Variants in STRN3 observed in about 807,000 individuals in gnomAD.
The protein encoded by STRN3 is striatin 3.
A neutral mutation model predicts 95.6 loss-of-function variants in STRN3; 29 were observed. That is an observed-to-expected ratio of 0.30 (90% CI 0.23 to 0.41). The LOEUF (loss-of-function observed/expected upper bound fraction) is 0.41. Ranked by LOEUF, STRN3 falls within the 10% of genes least tolerant of loss-of-function variation. STRN3 has a pLI of 1.00. For synonymous variants in STRN3, 331 were observed against 357.6 expected, an observed-to-expected ratio of 0.93 and a Z score of 0.84; for missense variants, 890 against 972.1, an observed-to-expected ratio of 0.92 and a Z score of 1.12.
chr14:30,932,247 A>G (rs1344209622), intron 7 of STRN3: 1 of 152,168 alleles, frequency 6.6e-6, no homozygotes, highest in Non-Finnish European at 1.5e-5. Context: ...AGCCTGGGTA[A>G]CAGAGTGAGA....
chr14:31,008,185 C>T (rs1289867036), intron 1 of STRN3, among the ~76,000 whole-genome samples: 2 of 136,926 alleles, frequency 1.5e-5, no homozygotes, highest in South Asian at 2.3e-4. Context: ...AGTGAGACTC[C>T]GTCTCAAAAA....
chr14:30,924,794 G>A (rs546816961), intron 8 of STRN3, among the ~76,000 whole-genome samples: 7 of 152,256 alleles, frequency 4.6e-5, no homozygotes, highest in South Asian at 2.1e-4. Flanking sequence ...AGGTTGCAGT[G>A]AGCTACAATG....
In STRN3 at chr14:30,898,370, C is replaced by G. The variant is rs1315681675; in HGVS notation, c.2138-2622G>C. Among the ~76,000 whole-genome samples the G allele has an allele frequency of 2.6e-5, 4 of 152,230 alleles. No homozygotes were observed. In the East Asian group the frequency reaches 7.7e-4, roughly 29 times the overall value. The stretch of plus-strand genomic sequence containing the variant: ...AGTTTAACATCTCTAAACCAAAAGA[C>G]TTTTTTCCAATACAAGAGCTACACA... On this transcript the variant is annotated intron_variant, in intron 16 of 17. Coordinates refer to ENST00000357479, the MANE Select transcript of STRN3 (RefSeq NM_001083893.2).
chr14:30,924,413 C>T (rs1896967423), intron 8 of STRN3, among the ~76,000 whole-genome samples: 1 of 150,660 alleles, frequency 6.6e-6, no homozygotes, highest in Admixed American at 6.7e-5. Flanking sequence ...TCAGCCTCCC[C>T]AAGTAGCTGG....
intron 1 of STRN3, among the ~76,000 whole-genome samples, chr14:31,005,225 A>G (rs1882660256): frequency 6.6e-6 from 1 of 152,098 alleles, no homozygotes; most frequent in African/African-American, 2.4e-5. Context: ...CCAGCTACTC[A>G]GGAGGCTGAA....
intron 9 of STRN3, among the ~76,000 whole-genome samples, chr14:30,914,889 G>A (rs910022478): frequency 1.3e-5 from 2 of 152,018 alleles, no homozygotes; most frequent in African/African-American, 2.4e-5. Flanking sequence ...TTTAAAATGC[G>A]TTTTCCTTTC....
chr14:31,019,886 C>CTTTTTTTTTTTTTTTTTTT (rs67956918), intron 1 of STRN3, among the ~76,000 whole-genome samples: 1 of 143,048 alleles, frequency 7.0e-6, no homozygotes, highest in Non-Finnish European at 1.5e-5. Context: ...CACTCATTTT[C>CTTTTTTTTTTTTTTTTTTT]TTTTTTTTTT....
At chr14:30,994,745 T>C (rs1882121548) in intron 1 of STRN3, among the ~76,000 whole-genome samples, 1 of 152,254 alleles carries the variant, frequency 6.6e-6, no homozygotes, top group Non-Finnish European at 1.5e-5. Context: ...AGATATCTTT[T>C]AAGTTTGGAA....
intron 8 of STRN3, among the ~76,000 whole-genome samples, chr14:30,921,579 A>T (rs1234401789): frequency 2.0e-5 from 3 of 152,206 alleles, no homozygotes; most frequent in Admixed American, 2.0e-4. Context: ...TCTTTACTCT[A>T]TTGTGCAGAG....
intron 1 of STRN3, chr14:31,018,747 T>TCC (rs1307465667): frequency 2.3e-5 from 11 of 471,778 alleles, no homozygotes; most frequent in Non-Finnish European, 4.6e-5. Context: ...GCCATGGTGC[T>TCC]CCGAACTTGC....
At chr14:30,973,737 A>G (rs1372895900) in intron 1 of STRN3, among the ~76,000 whole-genome samples, 1 of 152,198 alleles carries the variant, frequency 6.6e-6, no homozygotes, top group Non-Finnish European at 1.5e-5. Context: ...ATACTAGCAA[A>G]CTGAATTCAG....
chr14:30,911,295 CTT>C (rs11297035), intron 12 of STRN3, 133 bp from the exon 13 acceptor site: 40,594 of 444,146 alleles, frequency 0.091, 39 homozygotes, highest in South Asian at 0.13. Context: ...CTGACTGGTA[CTT>C]TTTTTTTTTT....
At chr14:30,919,851 T>C (rs1896837035) in intron 8 of STRN3, among the ~76,000 whole-genome samples, 1 of 152,190 alleles carries the variant, frequency 6.6e-6, no homozygotes, top group African/African-American at 2.4e-5. Flanking sequence ...AAAGCTTCTG[T>C]ACCATTGTGG....
intron 1 of STRN3, among the ~76,000 whole-genome samples, chr14:30,979,824 T>A (rs1287457122): frequency 6.6e-6 from 1 of 151,790 alleles, no homozygotes; most frequent in African/African-American, 2.4e-5. Flanking sequence ...GGTCTTGAAC[T>A]CCTGACCTCA....
At chr14:31,020,002 C>A (rs907551788) in intron 1 of STRN3, among the ~76,000 whole-genome samples, 1 of 151,640 alleles carries the variant, frequency 6.6e-6, no homozygotes, top group Middle Eastern at 3.2e-3. Context: ...GGATTACAAG[C>A]GTGAGACACC....
chr14:30,981,220 T>C (rs1039615006), intron 1 of STRN3, among the ~76,000 whole-genome samples: 17 of 151,092 alleles, frequency 1.1e-4, no homozygotes, highest in African/African-American at 3.7e-4. Flanking sequence ...GAGGCTGAGG[T>C]GGGAGGACCA....
intron 1 of STRN3, chr14:31,018,917 G>T: frequency 3.7e-6 from 1 of 268,644 alleles, no homozygotes. Context: ...GAGGTCGGGA[G>T]TTTGAGACCA....
At chr14:30,951,676 A>G (rs1411925169) in intron 3 of STRN3, among the ~76,000 whole-genome samples, 1 of 152,230 alleles carries the variant, frequency 6.6e-6, no homozygotes, top group East Asian at 1.9e-4. Flanking sequence ...TGGGGTCTAT[A>G]TCAGTGGACC....
At position 30,904,340 on chromosome 14, in the gene STRN3, A is replaced by G. The variant is rs190902542; in HGVS notation, c.2029+1078T>C. 3.9e-5 allele frequency among the ~76,000 whole-genome samples: 6 copies of G among 152,336 alleles called. 1 individual carries two copies. Among genetic ancestry groups the G allele is most frequent in the Admixed American group, 1.3e-4 (2 of 15,302 alleles). ...CTGGCCAAAATCAAAGGATCTGAAC[A>G]GCAATAAATAAAGATAATACCTGCA... On this transcript the variant is annotated intron_variant, in intron 15 of 17. Coordinates refer to ENST00000357479, the MANE Select transcript of STRN3 (RefSeq NM_001083893.2).
Sources: gnomAD v4.1 joint callset for allele counts (sites outside exome capture counted in the v4.1 genomes callset) on GRCh38, gnomAD v4.1.1 for gene constraint, MANE v1.5 for transcripts, NCBI Gene and HGNC (gene_info 2026-07-23, HGNC 2026-07-21) for gene names.